The following SLC6A13 variants were observed in gnomAD, a reference collection of about 807,000 sequenced individuals.
The protein encoded by SLC6A13 is sodium- and chloride-dependent GABA transporter 2.
In SLC6A13, 69 loss-of-function variants were observed where a neutral mutation model predicts 72.9. That is an observed-to-expected ratio of 0.95 (90% confidence interval 0.78 to 1.16). The LOEUF (loss-of-function observed/expected upper bound fraction) is 1.16, where lower values mean the gene tolerates loss of function less well. Among genes scored for constraint, SLC6A13 ranks in the 50% most tolerant of loss-of-function variants. The pLI, the probability that SLC6A13 is intolerant of heterozygous loss-of-function variation, is 0.00. For synonymous variants in SLC6A13, 303 were observed against 303.0 expected (o/e 1.00, Z 0.00); for missense variants, 735 against 760.5 (o/e 0.97, Z 0.39).
At chr12:238,415 A>G (rs1322606140) in intron 4 of SLC6A13, 1 of 1,050,836 alleles carries the variant, frequency 9.5e-7, no homozygotes, top group East Asian at 5.8e-5. Flanking sequence ...CTCTGGCTTG[A>G]ATGCTGACCC....
intron 2 of SLC6A13, among the ~76,000 whole-genome samples, chr12:255,851 C>T (rs1464942637): frequency 1.5e-5 from 1 of 67,986 alleles, no homozygotes; most frequent in East Asian, 2.4e-4. Context: ...CCTGACCTTA[C>T]CTTCTATTCA....
chr12:255,757 C>T (rs1488384996), intron 2 of SLC6A13, among the ~76,000 whole-genome samples: 1 of 152,196 alleles, frequency 6.6e-6, no homozygotes, highest in Admixed American at 6.5e-5. Context: ...ATCTGAATGT[C>T]ACTAGAGCAA....
intron 12 of SLC6A13, 89 bp from the exon 13 acceptor site, chr12:222,721 G>C: frequency 1.3e-6 from 1 of 743,124 alleles, no homozygotes; most frequent in Non-Finnish European, 2.3e-6. Context: ...GACCAGAATG[G>C]GCAGGGACCC....
chr12:255,738 C>G (rs1447800017), intron 2 of SLC6A13, among the ~76,000 whole-genome samples: 2 of 152,220 alleles, frequency 1.3e-5, no homozygotes, highest in East Asian at 3.8e-4. Context: ...GCCCAAAACC[C>G]TGCCCTGCAT....
chr12:246,960 A>C (rs1942371652), intron 2 of SLC6A13, among the ~76,000 whole-genome samples: 1 of 150,272 alleles, frequency 6.7e-6, no homozygotes, highest in South Asian at 2.1e-4. Flanking sequence ...GTGAGCTGAG[A>C]TCATACCACT....
At chr12:234,393 TA>T (rs1941839932) in intron 7 of SLC6A13, among the ~76,000 whole-genome samples, 1 of 152,218 alleles carries the variant, frequency 6.6e-6, no homozygotes, top group African/African-American at 2.4e-5. Flanking sequence ...ATTTAGCATA[TA>T]ATCAAGAAAT....
intron 4 of SLC6A13, among the ~76,000 whole-genome samples, chr12:238,836 C>T (rs1007435445): frequency 2.0e-5 from 3 of 152,122 alleles, no homozygotes; most frequent in Admixed American, 1.3e-4. Flanking sequence ...TCTACCACCA[C>T]CCGGTACAGG....
intron 6 of SLC6A13, 29 bp downstream of exon 6, chr12:237,129 T>C: frequency 6.2e-7 from 1 of 1,612,494 alleles, no homozygotes; most frequent in Non-Finnish European, 8.5e-7. Flanking sequence ...AGTCCGGGAA[T>C]GGGAGGGGCA....
Position 220,958 on chromosome 12 carries a change from G to A in SLC6A13, c.1799C>T (p.Ser600Phe), listed in dbSNP as rs1402953102. ...CCAAGGGCCTGCCCCCTAGCAGTGAGACTCTAGCTCTGTGAGTCTGAGCAG... is the reference window on the plus strand; with the variant it reads ...CCAAGGGCCTGCCCCCTAGCAGTGAAACTCTAGCTCTGTGAGTCTGAGCAG... Reference protein sequence around the residue: ...TSLLRLTELESHC With the variant: ...TSLLRLTELEFHC The change falls in exon 15 of 15, where the codon TCT becomes TTT. Residue 600 changes from serine to phenylalanine, a missense_variant. By Grantham distance (155) the Ser-to-Phe change is radical (BLOSUM62 -2). Coordinates refer to ENST00000343164, the MANE Select transcript of SLC6A13 (RefSeq NM_016615.5). 1 of 1,612,732 alleles carries A rather than the reference G, an allele frequency of 6.2e-7. No individual in the cohort carries two copies. Among genetic ancestry groups the A allele is most frequent in the South Asian group, 1.1e-5 (1 of 91,024 alleles).
chr12:233,346 A>G (rs1274756022), intron 7 of SLC6A13, among the ~76,000 whole-genome samples: 1 of 152,248 alleles, frequency 6.6e-6, no homozygotes, highest in Non-Finnish European at 1.5e-5. Flanking sequence ...GAGACCTGTC[A>G]GAGGCAGGGC....
chr12:227,639 G>T lies in SLC6A13; in HGVS notation c.861C>A (p.Phe287Leu). The part of the protein sequence containing the change: ...QVWMDAGTQI[F>L]FSFAICLGCL... ...ACCCAAGACAGATGGCGAAGGAGAA[G>T]AATATCTGGGTGCCTGCATCCATCC... Residue 287 changes from phenylalanine (F) to leucine (L), a missense_variant, in exon 8 of 15, where the codon TTC becomes TTA. By Grantham distance (22) the Phe-to-Leu change is conservative. Transcript: ENST00000343164. The T allele has an allele frequency of 6.2e-7, 1 of 1,612,878 alleles. No individual in the cohort carries two copies. The highest frequency in any genetic ancestry group is 1.3e-5 in the African/African-American group (1 of 75,022).
intron 5 of SLC6A13, among the ~76,000 whole-genome samples, chr12:237,707 T>G: frequency 6.6e-6 from 1 of 150,816 alleles, no homozygotes; most frequent in African/African-American, 2.4e-5. Flanking sequence ...GGGGCGGGGG[T>G]GCGGGCAAGG....
At chr12:237,411 C>T in intron 5 of SLC6A13, 121 bp from the exon 6 acceptor site, 4 of 1,076,834 alleles carry the variant, frequency 3.7e-6, no homozygotes, top group Non-Finnish European at 5.4e-6. Flanking sequence ...TCTCTGCTCT[C>T]TTCACATGAG....
rs1174865142 is a variant in SLC6A13, at chr12:255,822, T to C, written c.202+4029A>G. Reference sequence around the variant, plus strand: ...CATACCTGATCTGCCCCTCTCCCTGTCCCCAGCCCATTTACTTCCCTGACC... The same window carrying C: ...CATACCTGATCTGCCCCTCTCCCTGCCCCCAGCCCATTTACTTCCCTGACC... On this transcript the variant is annotated intron_variant, in intron 2 of 14. Transcript: ENST00000343164. Among the ~76,000 whole-genome samples, 5 of 150,876 alleles carry C rather than the reference T, an allele frequency of 3.3e-5. No individual in the cohort carries two copies. The East Asian group carries it at 9.7e-4, about 29-fold the overall frequency.
rs1230767242 is a variant in SLC6A13, at chr12:258,933, T to C, written c.202+918A>G. On this transcript the variant is annotated intron_variant, in intron 2 of 14. Transcript: ENST00000343164. ...AGGGAGCCTCACCGTGCCAGCAAAGTAGGAAAAAGACACAAGACCAAGGCT... is the reference window on the plus strand; with the variant it reads ...AGGGAGCCTCACCGTGCCAGCAAAGCAGGAAAAAGACACAAGACCAAGGCT... 3.0e-6 allele frequency: 3 copies of C among 985,386 alleles called. No homozygotes were observed. In the African/African-American group the frequency reaches 5.2e-5, roughly 17 times the overall value. 61.0% of individuals were successfully genotyped at this position (985,386 alleles called of 1,614,324 possible).
intron 4 of SLC6A13, among the ~76,000 whole-genome samples, chr12:239,374 G>C (rs956228277): frequency 6.6e-6 from 1 of 151,874 alleles, no homozygotes; most frequent in East Asian, 1.9e-4. Context: ...CCCTGCACAC[G>C]TGGGGTGTGT....
chr12:224,277 A>T (rs1941347053), intron 10 of SLC6A13, 124 bp downstream of exon 10: 1 of 1,343,718 alleles, frequency 7.4e-7, no homozygotes, highest in Admixed American at 1.9e-5. Flanking sequence ...TTAGGTCAGG[A>T]CTCACCCTCA....
At chr12:232,054 C>G (rs1941729563) in intron 7 of SLC6A13, among the ~76,000 whole-genome samples, 1 of 152,164 alleles carries the variant, frequency 6.6e-6, no homozygotes, top group South Asian at 2.1e-4. Context: ...AATGGGGATG[C>G]CTTGTTGATC....
Position 221,434 on chromosome 12 carries a change from A to G in SLC6A13, c.1628T>C (p.Val543Ala). The change falls in exon 14 of 15, where the codon GTC becomes GCC. Residue 543 changes from valine to alanine, a missense_variant. Coordinates refer to ENST00000343164, the MANE Select transcript of SLC6A13 (RefSeq NM_016615.5). ...GTAGAGGCTCCAGGCAGGAATGCAG[A>G]CCATGGAGGACAGAGCCAGGAGCCA... is the stretch of plus-strand genomic sequence containing the variant. ...LGWLLALSSMVCIPAWSLYRL... is the reference protein window; with the variant it reads ...LGWLLALSSMACIPAWSLYRL... The G allele has an allele frequency of 6.2e-7, 1 of 1,613,786 alleles. No homozygotes were observed. The highest frequency in any genetic ancestry group is 8.5e-7 in the Non-Finnish European group (1 of 1,179,854).
Sources: allele counts gnomAD v4.1 joint callset (sites outside exome capture counted in the v4.1 genomes callset), GRCh38; gene constraint gnomAD v4.1.1; transcripts MANE v1.5; gene names NCBI Gene and HGNC (gene_info 2026-07-23, HGNC 2026-07-21).